Variants in LRRC28 observed in about 807,000 individuals in gnomAD.
LRRC28 encodes the protein leucine-rich repeat-containing protein 28.
LRRC28 carries 39 observed loss-of-function variants against 45.7 expected under a neutral mutation model. The ratio of observed to expected loss-of-function variants is 0.85; its 90% CI spans 0.66 to 1.12. The LOEUF (loss-of-function observed/expected upper bound fraction) is 1.12, where lower values mean the gene tolerates loss of function less well. LRRC28 is among the 50% of genes most tolerant of loss of function. LRRC28 has a pLI of 0.00. For missense variants in LRRC28, 435 were observed against 438.5 expected, an observed-to-expected ratio of 0.99 and a Z score of 0.07; for synonymous variants, 206 against 178.8, an observed-to-expected ratio of 1.15 and a Z score of -1.22.
At chr15:99,326,091 C>T (rs1955966808) in intron 5 of LRRC28, among the ~76,000 whole-genome samples, 1 of 151,824 alleles carries the variant, frequency 6.6e-6, no homozygotes, top group Non-Finnish European at 1.5e-5. Flanking sequence ...CTTATGGGGC[C>T]CTCACCTACC....
intron 3 of LRRC28, among the ~76,000 whole-genome samples, chr15:99,283,942 C>T (rs1335340219): frequency 1.3e-5 from 2 of 152,160 alleles, no homozygotes; most frequent in Non-Finnish European, 2.9e-5. Flanking sequence ...CTCATAATAA[C>T]TATAATAACA....
intron 5 of LRRC28, among the ~76,000 whole-genome samples, chr15:99,323,394 A>G (rs1438015592): frequency 6.6e-6 from 1 of 152,174 alleles, no homozygotes; most frequent in Non-Finnish European, 1.5e-5. Flanking sequence ...TTTAGACTAT[A>G]TCTAGGATTC....
chr15:99,293,145 C>T (rs1363483576), intron 5 of LRRC28, among the ~76,000 whole-genome samples: 2 of 152,194 alleles, frequency 1.3e-5, no homozygotes, highest in Non-Finnish European at 2.9e-5. Context: ...TGTGCCATTT[C>T]ATACAAATTA....
chr15:99,339,589 GGTGTGGTGGC>G (rs968279347), intron 6 of LRRC28, among the ~76,000 whole-genome samples: 1 of 152,050 alleles, frequency 6.6e-6, no homozygotes, highest in African/African-American at 2.4e-5. Flanking sequence ...AAATTAGCTG[GGTGTGGTGGC>G]AGACACTTGC....
intron 6 of LRRC28, among the ~76,000 whole-genome samples, chr15:99,336,655 G>A (rs537158262): frequency 6.6e-6 from 1 of 152,192 alleles, no homozygotes; most frequent in South Asian, 2.1e-4. Context: ...CGCCAACCAG[G>A]TGCTCCCAAT....
intron 9 of LRRC28, among the ~76,000 whole-genome samples, chr15:99,368,317 G>A (rs1957394825): frequency 6.6e-6 from 1 of 152,168 alleles, no homozygotes; most frequent in Non-Finnish European, 1.5e-5. Flanking sequence ...AGCATGTAAT[G>A]TTGGGACAGG....
intron 2 of LRRC28, chr15:99,257,994 C>T: frequency 1.1e-6 from 1 of 899,254 alleles, no homozygotes; most frequent in Non-Finnish European, 1.9e-6. Flanking sequence ...AATGAAAATG[C>T]TCTTTCTGGA....
chr15:99,334,684 T>G (rs1307270157), intron 6 of LRRC28, among the ~76,000 whole-genome samples: 3 of 152,156 alleles, frequency 2.0e-5, no homozygotes, highest in African/African-American at 7.2e-5. Flanking sequence ...TTTTGACATA[T>G]TATATGTCAT....
intron 7 of LRRC28, among the ~76,000 whole-genome samples, chr15:99,360,276 A>T (rs566764796): frequency 1.3e-5 from 2 of 152,066 alleles, no homozygotes; most frequent in Non-Finnish European, 2.9e-5. Context: ...ACACATTTCC[A>T]TTTATTCCAG....
At chr15:99,308,715 A>G (rs1045800757) in intron 5 of LRRC28, among the ~76,000 whole-genome samples, 2 of 152,186 alleles carry the variant, frequency 1.3e-5, no homozygotes, top group Non-Finnish European at 2.9e-5. Flanking sequence ...ACTAGCTTAT[A>G]ATACTATATT....
chr15:99,301,477 C>T (rs1235322639), intron 5 of LRRC28, among the ~76,000 whole-genome samples: 1 of 152,144 alleles, frequency 6.6e-6, no homozygotes, highest in Non-Finnish European at 1.5e-5. Flanking sequence ...ATTTAAGTCT[C>T]CCACAACGGA....
intron 5 of LRRC28, among the ~76,000 whole-genome samples, chr15:99,303,151 G>T (rs1330521502): frequency 6.6e-6 from 1 of 152,160 alleles, no homozygotes; most frequent in Non-Finnish European, 1.5e-5. Flanking sequence ...CCAGCATTTG[G>T]TATCTTCAGT....
At chr15:99,276,212 T>A (rs1370444099) in intron 2 of LRRC28, among the ~76,000 whole-genome samples, 1 of 152,090 alleles carries the variant, frequency 6.6e-6, no homozygotes, top group Non-Finnish European at 1.5e-5. Flanking sequence ...AATTATTTCA[T>A]TATGTATTAC....
chr15:99,374,191 G>A (rs959716594), intron 9 of LRRC28, among the ~76,000 whole-genome samples: 3 of 152,092 alleles, frequency 2.0e-5, no homozygotes, highest in African/African-American at 7.2e-5. Flanking sequence ...TTTGGAAACG[G>A]TTGACATATA....
At chr15:99,288,036 C>G (rs1041975838) in intron 5 of LRRC28, 85 bp downstream of exon 5, 64 of 1,273,724 alleles carry the variant, frequency 5.0e-5, no homozygotes, top group African/African-American at 1.2e-4. Context: ...AGGCAATGAG[C>G]TGTAGATGTA....
chr15:99,382,912 T>A (rs1362617125), intron 9 of LRRC28, among the ~76,000 whole-genome samples: 5 of 152,108 alleles, frequency 3.3e-5, no homozygotes, highest in Non-Finnish European at 7.4e-5. Context: ...CAATTCTATT[T>A]TTGGATTTAT....
At chr15:99,344,203 C>T (rs902320278) in intron 6 of LRRC28, among the ~76,000 whole-genome samples, 2 of 152,166 alleles carry the variant, frequency 1.3e-5, no homozygotes, top group Non-Finnish European at 2.9e-5. Flanking sequence ...GCACTATATA[C>T]GTTGTTTAAT....
chr15:99,301,470 T>G (rs911035118), intron 5 of LRRC28, among the ~76,000 whole-genome samples: 16 of 152,184 alleles, frequency 1.1e-4, no homozygotes, highest in Admixed American at 9.8e-4. Context: ...TAAAACTATT[T>G]AAGTCTCCCA....
At chr15:99,368,625 A>G (rs1487540654) in intron 9 of LRRC28, among the ~76,000 whole-genome samples, 2 of 152,182 alleles carry the variant, frequency 1.3e-5, no homozygotes, top group African/African-American at 4.8e-5. Context: ...TCTTTTGGCC[A>G]TCCTGCCTAA....
Sources: gnomAD v4.1 joint callset for allele counts (sites outside exome capture counted in the v4.1 genomes callset) on GRCh38, gnomAD v4.1.1 for gene constraint, MANE v1.5 for transcripts, NCBI Gene and HGNC (gene_info 2026-07-23, HGNC 2026-07-21) for gene names.